IRAK4: variants seen among roughly 807,000 people sequenced by gnomAD.
The protein encoded by IRAK4 is interleukin 1 receptor associated kinase 4.
In IRAK4, 44 loss-of-function variants were observed where a neutral mutation model predicts 51.8. The observed-to-expected ratio is 0.85, with a 90% CI of 0.67 to 1.09. IRAK4 has a LOEUF of 1.09. Among genes scored for constraint, IRAK4 ranks in the 50% least tolerant of loss-of-function variants. The probability of loss-of-function intolerance (pLI) is 0.00; values close to 1 mark genes in which losing one functional copy is unlikely to be tolerated. For missense variants in IRAK4, 487 were observed against 538.0 expected (o/e 0.91, Z 0.94); for synonymous variants, 149 against 174.1 (o/e 0.86, Z 1.13).
intron 1 of IRAK4, among the ~76,000 whole-genome samples, chr12:43,765,236 A>G (rs541231574): frequency 4.0e-4 from 61 of 152,312 alleles, no homozygotes; most frequent in African/African-American, 1.4e-3. Context: ...CTAGTTGTCT[A>G]TGGTGTTCAC....
rs1941852477 is a variant in IRAK4, at chr12:43,782,362, G to A, written c.997G>A (p.Ala333Thr). 1.2e-6 allele frequency: 2 copies of A among 1,613,540 alleles called. No homozygotes were observed. The highest frequency in any genetic ancestry group is 1.3e-5 in the African/African-American group (1 of 74,852). The change falls in exon 9 of 12, where the codon GCA becomes ACA. Residue 333 changes from alanine (A) to threonine (T), a missense_variant. Ala to Thr is a moderately conservative substitution (Grantham distance 58). Coordinates refer to ENST00000613694, the MANE Select transcript of IRAK4 (RefSeq NM_016123.4). ...FTAKISDFGL[A>T]RASEKFAQTV... is the part of the protein sequence containing the mutation. ...TGCTAAAATATCTGACTTTGGCCTT[G>A]CACGGGCTTCTGAGAAGTTTGCCCA...
intron 10 of IRAK4, among the ~76,000 whole-genome samples, chr12:43,785,705 G>A (rs1942155775): frequency 6.6e-6 from 1 of 150,720 alleles, no homozygotes; most frequent in African/African-American, 2.4e-5. Context: ...TCCGAGAAAT[G>A]TGTTGTTAGG....
At position 43,786,462 on chromosome 12, in the gene IRAK4, A is replaced by G. The variant is rs1179281788; in HGVS notation, c.1252A>G (p.Met418Val). 1 of 1,610,660 alleles carries G rather than the reference A, an allele frequency of 6.2e-7. No individual in the cohort carries two copies. Among genetic ancestry groups the G allele is most frequent in the Admixed American group, 1.7e-5 (1 of 59,552 alleles). ...AATTGAAGATTATATTGATAAAAAG[A>G]TGAATGATGCTGATTCCACTTCAGT... is the stretch of plus-strand genomic sequence containing the variant. The part of the protein sequence containing the change: ...KTIEDYIDKK[M>V]NDADSTSVEA... The change falls in exon 11 of 12, where the codon ATG becomes GTG. Residue 418 changes from methionine to valine, a missense_variant. By Grantham distance (21) the Met-to-Val change is conservative (BLOSUM62 1). Coordinates refer to ENST00000613694, the MANE Select transcript of IRAK4 (RefSeq NM_016123.4).
At chr12:43,779,190 G>A (rs1338262447) in intron 8 of IRAK4, among the ~76,000 whole-genome samples, 2 of 152,134 alleles carry the variant, frequency 1.3e-5, no homozygotes, top group South Asian at 2.1e-4. Context: ...TTGAGCCCAG[G>A]AGTTCAAGGT....
intron 9 of IRAK4, 81 bp downstream of exon 9, chr12:43,782,571 CATCTTGTTT>C: frequency 2.6e-6 from 3 of 1,133,536 alleles, no homozygotes; most frequent in Non-Finnish European, 3.9e-6. Context: ...TTAATACACC[CATCTTGTTT>C]ATCTCTCTTA....
intron 1 of IRAK4, 72 bp from the exon 2 acceptor site, chr12:43,768,031 G>A: frequency 9.3e-7 from 1 of 1,079,212 alleles, no homozygotes; most frequent in Non-Finnish European, 1.4e-6. Flanking sequence ...ATAGCAAAGT[G>A]TGATATATAA....
At chr12:43,781,269 A>G (rs1941755697) in intron 8 of IRAK4, among the ~76,000 whole-genome samples, 1 of 152,216 alleles carries the variant, frequency 6.6e-6, no homozygotes, top group African/African-American at 2.4e-5. Flanking sequence ...AAACCTTCGT[A>G]GTCAACCTAA....
intron 3 of IRAK4, among the ~76,000 whole-genome samples, chr12:43,771,636 A>G (rs1342868265): frequency 1.3e-5 from 2 of 152,206 alleles, no homozygotes; most frequent in Non-Finnish European, 2.9e-5. Flanking sequence ...CTTCTGGCTT[A>G]GGCTGTAAGA....
rs4251471 is a variant in IRAK4 at position 43,772,133 on chromosome 12, C to T, written c.308-47C>T. 2.9e-3 allele frequency: 4,329 copies of T among 1,470,392 alleles called. 102 individuals are homozygous for T. The African/African-American group carries it at 0.052, about 18-fold the overall frequency. 91.1% of individuals were successfully genotyped at this position (1,470,392 alleles called of 1,614,324 possible). On this transcript the variant is annotated intron_variant, in intron 3 of 11. Transcript: ENST00000613694. Reference sequence around the variant, plus strand: ...GTTTCTAGTTTAACTTTTTCACAACCACTTTTTCTTACTGAAAAACCACTT... The same window carrying T: ...GTTTCTAGTTTAACTTTTTCACAACTACTTTTTCTTACTGAAAAACCACTT...
At position 43,771,742 on chromosome 12, in the gene IRAK4, GT is replaced by G. The variant is rs1379349036; in HGVS notation, c.307+378del. 3.9e-5 allele frequency among the ~76,000 whole-genome samples: 6 copies of G among 152,138 alleles called. No individual in the cohort carries two copies. In the East Asian group the frequency reaches 1.2e-3, roughly 29 times the overall value. ...TAATTTTAAAAAATTGTATTCTGAT[GT>G]GGTAGTGTCTAGTTGCCTTCCTTAT... is the stretch of plus-strand genomic sequence containing the variant. On this transcript the variant is annotated intron_variant, in intron 3 of 11. Coordinates refer to ENST00000613694, the MANE Select transcript of IRAK4 (RefSeq NM_016123.4).
At chr12:43,760,302 C>A (rs1939373779) in intron 1 of IRAK4, among the ~76,000 whole-genome samples, 2 of 152,234 alleles carry the variant, frequency 1.3e-5, no homozygotes, top group Admixed American at 1.3e-4. Context: ...TCCCAGCCTG[C>A]AGCACGTCCC....
At chr12:43,781,565 G>T (rs138525543) in intron 8 of IRAK4, among the ~76,000 whole-genome samples, 1 of 152,038 alleles carries the variant, frequency 6.6e-6, no homozygotes, top group Admixed American at 6.6e-5. Context: ...TCAATACTAA[G>T]CACACTTTTC....
intron 1 of IRAK4, among the ~76,000 whole-genome samples, chr12:43,765,587 T>C (rs1940043285): frequency 6.6e-6 from 1 of 151,744 alleles, no homozygotes; most frequent in East Asian, 1.9e-4. Context: ...TGTTTAGACA[T>C]GAATGATAAG....
chr12:43,773,321 T>G (rs967312813), intron 5 of IRAK4, among the ~76,000 whole-genome samples: 2 of 152,150 alleles, frequency 1.3e-5, no homozygotes, highest in Non-Finnish European at 2.9e-5. Context: ...CAAACTAAAG[T>G]TGAGAAGCCC....
Position 43,778,348 on chromosome 12 carries a change from A to G in IRAK4, c.941+46A>G, listed in dbSNP as rs560020394. On this transcript the variant is annotated intron_variant, in intron 8 of 11. Transcript: ENST00000613694. ...GTTTTTGGAAAGCTGTCTTTAAAGA[A>G]TAATTTGCTGTCACTCTATTCACGA... The G allele has an allele frequency of 3.1e-4, 330 of 1,051,868 alleles. 3 individuals are homozygous for G. In the South Asian group the frequency reaches 4.0e-3, roughly 13 times the overall value. 65.2% of individuals were successfully genotyped at this position (1,051,868 alleles called of 1,614,324 possible). A position where few individuals can be genotyped will look rare whatever the true frequency, so the allele number is the denominator to read the frequency against.
At chr12:43,760,432 C>G (rs1310879941) in intron 1 of IRAK4, among the ~76,000 whole-genome samples, 4 of 152,168 alleles carry the variant, frequency 2.6e-5, no homozygotes, top group Non-Finnish European at 5.9e-5. Context: ...GAGCATGTCT[C>G]TTTTCTCAAA....
At chr12:43,785,698 G>A (rs1254752684) in intron 10 of IRAK4, among the ~76,000 whole-genome samples, 3 of 150,228 alleles carry the variant, frequency 2.0e-5, no homozygotes, top group Non-Finnish European at 4.4e-5. Flanking sequence ...AATACATTCC[G>A]AGAAATGTGT....
At chr12:43,781,556 C>T (rs1161374554) in intron 8 of IRAK4, among the ~76,000 whole-genome samples, 1 of 152,170 alleles carries the variant, frequency 6.6e-6, no homozygotes, top group African/African-American at 2.4e-5. Context: ...AATAATCCTT[C>T]AATACTAAGC....
At chr12:43,773,909 G>C in intron 5 of IRAK4, 56 bp from the exon 6 acceptor site, 1 of 1,125,320 alleles carries the variant, frequency 8.9e-7, no homozygotes, top group Non-Finnish European at 1.3e-6. Context: ...TGATCCCTCT[G>C]AGCATTAGGA....
Sources: allele counts gnomAD v4.1 joint callset (sites outside exome capture counted in the v4.1 genomes callset), GRCh38; gene constraint gnomAD v4.1.1; transcripts MANE v1.5; gene names NCBI Gene and HGNC (gene_info 2026-07-23, HGNC 2026-07-21).